SLC37A3: variants seen among roughly 807,000 people sequenced by gnomAD.
SLC37A3 encodes the protein solute carrier family 37 member 3.
A neutral mutation model predicts 67.1 loss-of-function variants in SLC37A3; 51 were observed. The observed-to-expected ratio is 0.76, with a 90% CI of 0.61 to 0.96. The LOEUF (loss-of-function observed/expected upper bound fraction) is 0.96. Ranked by LOEUF, SLC37A3 falls within the 40% of genes least tolerant of loss-of-function variation. The probability of loss-of-function intolerance (pLI) is 0.00; values close to 1 mark genes in which losing one functional copy is unlikely to be tolerated. For synonymous variants in SLC37A3, 214 were observed against 231.4 expected (o/e 0.92, Z 0.68); for missense variants, 508 against 603.0 (o/e 0.84, Z 1.65).
At chr7:140,341,192 C>T (rs1409261898) in intron 13 of SLC37A3, among the ~76,000 whole-genome samples, 2 of 152,174 alleles carry the variant, frequency 1.3e-5, no homozygotes, top group Non-Finnish European at 2.9e-5. Flanking sequence ...CTTGGCCTCC[C>T]GAAGTGCTGG....
intron 3 of SLC37A3, among the ~76,000 whole-genome samples, chr7:140,375,937 G>C (rs1249503502): frequency 1.3e-5 from 2 of 152,162 alleles, no homozygotes; most frequent in East Asian, 3.8e-4. Flanking sequence ...CATTTTCCCT[G>C]CAACCGCAGT....
intron 1 of SLC37A3, among the ~76,000 whole-genome samples, chr7:140,391,733 C>G (rs950821453): frequency 6.6e-6 from 1 of 152,142 alleles, no homozygotes; most frequent in Admixed American, 6.6e-5. Flanking sequence ...ACATATACCC[C>G]TCCTGAGCAA....
chr7:140,382,561 AAG>A lies in SLC37A3; in HGVS notation c.-37_-36del. 1 of 1,582,318 alleles carries A rather than the reference AAG, an allele frequency of 6.3e-7. No individual in the cohort carries two copies. Among genetic ancestry groups the A allele is most frequent in the Non-Finnish European group, 8.7e-7 (1 of 1,152,512 alleles). ...GACCTTCCTTCTCACCTTTGACCTT[AAG>A]GTTTGGATGAGTGATTTACATCATT... On this transcript the variant is annotated 5_prime_UTR_variant, in exon 2 of 15. Coordinates refer to ENST00000326232, the MANE Select transcript of SLC37A3 (RefSeq NM_207113.3).
intron 13 of SLC37A3, among the ~76,000 whole-genome samples, chr7:140,338,334 C>T (rs1277127870): frequency 6.6e-6 from 1 of 152,178 alleles, no homozygotes; most frequent in East Asian, 1.9e-4. Context: ...TCTCCCCAGC[C>T]CTTGCTAACC....
At chr7:140,361,334 TAGTC>T (rs1043628108) in intron 5 of SLC37A3, among the ~76,000 whole-genome samples, 11 of 151,954 alleles carry the variant, frequency 7.2e-5, no homozygotes, top group African/African-American at 1.4e-4. Flanking sequence ...ATAAAAAAGT[TAGTC>T]AGGTGTGGTG....
At chr7:140,395,448 C>G (rs2129994187) in intron 1 of SLC37A3, among the ~76,000 whole-genome samples, 1 of 150,138 alleles carries the variant, frequency 6.7e-6, no homozygotes, top group South Asian at 2.1e-4. Context: ...TGGCTCACAC[C>G]TGTAATCCCA....
At chr7:140,373,809 G>T (rs1025446931) in intron 3 of SLC37A3, among the ~76,000 whole-genome samples, 2 of 151,380 alleles carry the variant, frequency 1.3e-5, no homozygotes, top group African/African-American at 4.9e-5. Context: ...CCCAGCTAAA[G>T]GATCTCTGAA....
At chr7:140,386,362 G>A (rs975197976) in intron 1 of SLC37A3, among the ~76,000 whole-genome samples, 1 of 151,680 alleles carries the variant, frequency 6.6e-6, no homozygotes, top group Non-Finnish European at 1.5e-5. Flanking sequence ...GAGCCACCTC[G>A]CCCAGGAAAA....
At chr7:140,394,078 G>C (rs1050023321) in intron 1 of SLC37A3, among the ~76,000 whole-genome samples, 3 of 152,100 alleles carry the variant, frequency 2.0e-5, no homozygotes, top group Admixed American at 1.3e-4. Context: ...GGTGGAGGCG[G>C]GAGGATCGCT....
At chr7:140,364,336 A>G in intron 5 of SLC37A3, 72 bp downstream of exon 5, 1 of 1,363,354 alleles carries the variant, frequency 7.3e-7, no homozygotes, top group Non-Finnish European at 1.0e-6. Flanking sequence ...TCTATTCTAC[A>G]GAGAAGTAGG....
intron 6 of SLC37A3, 133 bp downstream of exon 6, chr7:140,358,507 G>C: frequency 2.4e-6 from 3 of 1,262,688 alleles, no homozygotes; most frequent in Non-Finnish European, 3.3e-6. Flanking sequence ...CTCTCTCCCT[G>C]AACAACTCTG....
In SLC37A3 at chr7:140,335,179, A is replaced by C; in HGVS notation, c.*233T>G. Reference sequence around the variant, plus strand: ...AAAGATGCTGGCAGAGTCAGAAGTCACTCGGCACATTCATGAAACAACAGC... The same window carrying C: ...AAAGATGCTGGCAGAGTCAGAAGTCCCTCGGCACATTCATGAAACAACAGC... On this transcript the variant is annotated 3_prime_UTR_variant, in exon 15 of 15. Transcript: ENST00000326232. 1 of 1,559,578 alleles carries C rather than the reference A, an allele frequency of 6.4e-7. No homozygotes were observed. Among genetic ancestry groups the C allele is most frequent in the South Asian group, 1.2e-5 (1 of 84,128 alleles).
At chr7:140,384,748 A>G in intron 1 of SLC37A3, among the ~76,000 whole-genome samples, 1 of 149,262 alleles carries the variant, frequency 6.7e-6, no homozygotes, top group Non-Finnish European at 1.5e-5. Context: ...AAGTAATGTA[A>G]TTTATCCTCA....
At chr7:140,383,198 T>TA (rs199833888) in intron 1 of SLC37A3, among the ~76,000 whole-genome samples, 16,088 of 141,832 alleles carry the variant, frequency 0.11, 902 homozygotes, top group South Asian at 0.2. Flanking sequence ...TGCTTTCACT[T>TA]AAAAAAAAAA....
intron 1 of SLC37A3, among the ~76,000 whole-genome samples, chr7:140,398,183 G>A (rs1325945645): frequency 1.3e-5 from 2 of 152,100 alleles, no homozygotes; most frequent in African/African-American, 4.8e-5. Flanking sequence ...GTCCCCCGGG[G>A]GTCCTTCTCC....
chr7:140,388,051 CCTAA>C (rs1374519908), intron 1 of SLC37A3, among the ~76,000 whole-genome samples: 3 of 148,290 alleles, frequency 2.0e-5, no homozygotes, highest in Non-Finnish European at 3.0e-5. Flanking sequence ...ACTTATTCCT[CCTAA>C]CTGAAATTTT....
chr7:140,348,263 A>G (rs188382029), intron 10 of SLC37A3, among the ~76,000 whole-genome samples: 1 of 152,136 alleles, frequency 6.6e-6, no homozygotes, highest in Admixed American at 6.5e-5. Flanking sequence ...TCTGACATAC[A>G]ATTAGCTTTA....
In SLC37A3 at chr7:140,345,930, C is replaced by A. The variant is rs1796539053; in HGVS notation, c.1065G>T (p.Lys355Asn). 6.2e-7 allele frequency: 1 copy of A among 1,613,934 alleles called. No homozygotes were observed. Among genetic ancestry groups the A allele is most frequent in the Admixed American group, 1.7e-5 (1 of 60,000 alleles). ...LQGFISDVLQ[K>N]RAPVLALSLL... ...GACTCAGGGCAAGAACCGGCGCTCT[C>A]TTCTGTAGTACATCAGAGATGAAGC... Residue 355 changes from lysine (K) to asparagine (N), a missense_variant, in exon 11 of 15, where the codon AAG becomes AAT. Lys to Asn is a moderately conservative substitution (Grantham distance 94). Coordinates refer to ENST00000326232, the MANE Select transcript of SLC37A3 (RefSeq NM_207113.3).
intron 8 of SLC37A3, 45 bp downstream of exon 8, chr7:140,352,017 C>A: frequency 6.4e-7 from 1 of 1,558,286 alleles, no homozygotes; most frequent in Non-Finnish European, 8.8e-7. Context: ...TCCTTTCGGC[C>A]ATAATAGTAA....
Sources: allele counts gnomAD v4.1 joint callset (sites outside exome capture counted in the v4.1 genomes callset), GRCh38; gene constraint gnomAD v4.1.1; transcripts MANE v1.5; gene names NCBI Gene and HGNC (gene_info 2026-07-23, HGNC 2026-07-21).